ADGRG3: variants seen among roughly 807,000 people sequenced by gnomAD.
The protein encoded by ADGRG3 is adhesion G protein-coupled receptor G3, also known as G protein-coupled receptor 97.
Under a neutral mutation model 54.3 loss-of-function variants are expected in ADGRG3, and 39 were observed. The ratio of observed to expected loss-of-function variants is 0.72; its 90% CI spans 0.56 to 0.94. The LOEUF (loss-of-function observed/expected upper bound fraction) is 0.94. Among genes scored for constraint, ADGRG3 ranks in the 40% least tolerant of loss-of-function variants. The pLI, the probability that ADGRG3 is intolerant of heterozygous loss-of-function variation, is 0.00. For missense variants in ADGRG3, 654 were observed against 694.6 expected, an observed-to-expected ratio of 0.94 and a Z score of 0.66; for synonymous variants, 312 against 290.0, an observed-to-expected ratio of 1.08 and a Z score of -0.77.
intron 2 of ADGRG3, among the ~76,000 whole-genome samples, chr16:57,675,230 G>A (rs1249893634): frequency 3.3e-5 from 5 of 151,792 alleles, no homozygotes; most frequent in African/African-American, 1.2e-4. Flanking sequence ...AGTCATCCCA[G>A]TACTTTGGGA....
chr16:57,686,233 G>C (rs1473833736), intron 11 of ADGRG3, among the ~76,000 whole-genome samples: 1 of 152,200 alleles, frequency 6.6e-6, no homozygotes, highest in Non-Finnish European at 1.5e-5. Context: ...TGCTCCTGGT[G>C]AGGCCTCAGG....
upstream of ADGRG3, among the ~76,000 whole-genome samples, chr16:57,666,424 G>A (rs79685768): frequency 0.031 from 4,707 of 152,302 alleles, 236 homozygotes; most frequent in African/African-American, 0.11. Flanking sequence ...ACTTTCCCAG[G>A]CTGTGGGGCT....
intron 8 of ADGRG3, among the ~76,000 whole-genome samples, chr16:57,683,472 C>T (rs890344925): frequency 2.6e-5 from 4 of 152,150 alleles, no homozygotes; most frequent in Non-Finnish European, 2.9e-5. Context: ...TGGTTTGGTC[C>T]GGATCTTGCC....
intron 1 of ADGRG3, among the ~76,000 whole-genome samples, chr16:57,670,526 C>G (rs944692114): frequency 1.3e-5 from 2 of 152,038 alleles, no homozygotes; most frequent in African/African-American, 4.8e-5. Flanking sequence ...CCCTCCTCCC[C>G]TCTCCTCTCT....
intron 11 of ADGRG3, among the ~76,000 whole-genome samples, chr16:57,687,915 C>G (rs1305941403): frequency 6.6e-6 from 1 of 152,190 alleles, no homozygotes; most frequent in African/African-American, 2.4e-5. Flanking sequence ...CAATATTTGT[C>G]TTGCATATAG....
chr16:57,673,332 C>G lies in ADGRG3; in HGVS notation c.70C>G (p.Pro24Ala). 6.2e-7 allele frequency: 1 copy of G among 1,612,872 alleles called. No homozygotes were observed. Among genetic ancestry groups the G allele is most frequent in the Non-Finnish European group, 8.5e-7 (1 of 1,178,952 alleles). The change falls in exon 2 of 12, where the codon CCC becomes GCC. Residue 24 changes from proline (P) to alanine (A), a missense_variant. By Grantham distance (27) the Pro-to-Ala change is conservative. Transcript: ENST00000333493. ...CATTCCTTCCTTAGGTCAGGAAAAGCCCACCGAAGGGCCAAGAAACACCTG... is the reference window on the plus strand; with the variant it reads ...CATTCCTTCCTTAGGTCAGGAAAAGGCCACCGAAGGGCCAAGAAACACCTG... ...LLLPTSGQEK[P>A]TEGPRNTCLG...
chr16:57,673,669 A>G (rs1294124134), intron 2 of ADGRG3, among the ~76,000 whole-genome samples: 2 of 152,128 alleles, frequency 1.3e-5, no homozygotes, highest in Non-Finnish European at 1.5e-5. Context: ...GGGTATTCAG[A>G]GATGAATCCA....
intron 8 of ADGRG3, among the ~76,000 whole-genome samples, chr16:57,682,099 G>A (rs949918469): frequency 6.6e-6 from 1 of 152,234 alleles, no homozygotes. Flanking sequence ...TGACTTATGA[G>A]AGTGGGGACG....
chr16:57,688,207 T>C (rs1381697545), intron 11 of ADGRG3, 145 bp from the exon 12 acceptor site: 1 of 667,846 alleles, frequency 1.5e-6, no homozygotes, highest in East Asian at 2.5e-5. Context: ...TTTGAAATGG[T>C]TGTGAAATGG....
At chr16:57,687,188 A>G (rs1295785287) in intron 11 of ADGRG3, among the ~76,000 whole-genome samples, 1 of 151,454 alleles carries the variant, frequency 6.6e-6, no homozygotes, top group African/African-American at 2.4e-5. Flanking sequence ...CCAGCAAGTC[A>G]CTCAGCTCCT....
Position 57,685,642 on chromosome 16 carries a change from G to C in ADGRG3, c.1257-1G>C, listed in dbSNP as rs896204622. 8 of 1,613,458 alleles carry C rather than the reference G, an allele frequency of 5.0e-6. No homozygotes were observed. The highest frequency in any genetic ancestry group is 6.8e-6 in the Non-Finnish European group (8 of 1,179,440). Reference sequence around the variant, plus strand: ...CCCACCACAGCTGCCCCCTCCTCCAGATGCTGGTTCCGTGAAGGGACAACC... The same window carrying C: ...CCCACCACAGCTGCCCCCTCCTCCACATGCTGGTTCCGTGAAGGGACAACC... On this transcript the variant is annotated splice_acceptor_variant, in intron 10 of 11. Transcript: ENST00000333493. LOFTEE classifies it high-confidence loss of function.
At chr16:57,685,323 G>T (rs1407638645) in intron 10 of ADGRG3, among the ~76,000 whole-genome samples, 1 of 152,240 alleles carries the variant, frequency 6.6e-6, no homozygotes, top group Non-Finnish European at 1.5e-5. Context: ...CCACAGAGCT[G>T]CCAGGTGTAT....
At chr16:57,670,342 C>T (rs1225111721) in intron 1 of ADGRG3, among the ~76,000 whole-genome samples, 1 of 152,126 alleles carries the variant, frequency 6.6e-6, no homozygotes, top group Non-Finnish European at 1.5e-5. Flanking sequence ...GTGTAGGGTG[C>T]TTGCCAAGAG....
chr16:57,668,505 G>C, intron 1 of ADGRG3, 100 bp downstream of exon 1: 2 of 1,135,422 alleles, frequency 1.8e-6, no homozygotes, highest in Admixed American at 4.1e-5. Flanking sequence ...AGAAGGTGAG[G>C]AGTTGGGGTG....
intron 4 of ADGRG3, chr16:57,678,753 T>A (rs1396368581): frequency 3.2e-6 from 1 of 313,226 alleles, no homozygotes; most frequent in Non-Finnish European, 6.1e-6. Context: ...CATCCACTCC[T>A]GTGCAGACGT....
At chr16:57,672,382 T>C (rs2048179213) in intron 1 of ADGRG3, among the ~76,000 whole-genome samples, 1 of 152,124 alleles carries the variant, frequency 6.6e-6, no homozygotes, top group South Asian at 2.1e-4. Flanking sequence ...CATTTTTTCC[T>C]TAAAAAAATG....
chr16:57,665,883 G>A (rs2048043759), upstream of ADGRG3, among the ~76,000 whole-genome samples: 1 of 152,188 alleles, frequency 6.6e-6, no homozygotes, highest in South Asian at 2.1e-4. Context: ...AGTGCCCTCT[G>A]AGGGGCGTGA....
chr16:57,687,521 G>A (rs1338622331), intron 11 of ADGRG3, among the ~76,000 whole-genome samples: 1 of 152,278 alleles, frequency 6.6e-6, no homozygotes, highest in Admixed American at 6.5e-5. Context: ...GAAAGTGCTG[G>A]GATTACAGGC....
At position 57,679,231 on chromosome 16, in the gene ADGRG3, G is replaced by A; in HGVS notation, c.547G>A (p.Gly183Ser). 1 of 1,614,044 alleles carries A rather than the reference G, an allele frequency of 6.2e-7. No individual in the cohort carries two copies. Among genetic ancestry groups the A allele is most frequent in the Non-Finnish European group, 8.5e-7 (1 of 1,179,942 alleles). ...GSGVLNNRLV[G>S]LSVGQMHVTK... The stretch of plus-strand genomic sequence containing the variant: ...CGGCGTGTTGAACAATCGCCTGGTG[G>A]GTTTGAGTGTGGGACAAATGCATGT... The change falls in exon 5 of 12, where the codon GGT (glycine) becomes AGT (serine). Residue 183 changes from glycine to serine, a missense_variant. Physicochemically the swap from Gly to Ser is moderately conservative, Grantham distance 56. Coordinates refer to ENST00000333493, the MANE Select transcript of ADGRG3 (RefSeq NM_170776.5).
Sources: gnomAD v4.1 joint callset for allele counts (sites outside exome capture counted in the v4.1 genomes callset) on GRCh38, gnomAD v4.1.1 for gene constraint, MANE v1.5 for transcripts, NCBI Gene and HGNC (gene_info 2026-07-23, HGNC 2026-07-21) for gene names.